SMG6: variants seen among roughly 807,000 people sequenced by gnomAD.
SMG6 encodes SMG6 nonsense mediated mRNA decay factor.
In SMG6, 66 loss-of-function variants were observed where a neutral mutation model predicts 142.2. That is an observed-to-expected ratio of 0.46 (90% confidence interval 0.38 to 0.57). SMG6 has a LOEUF of 0.57. SMG6 is among the 20% of genes least tolerant of loss of function. The pLI is 0.00. For synonymous variants in SMG6, 779 were observed against 702.4 expected (o/e 1.11, Z -1.72); for missense variants, 1,793 against 1,832.0 (o/e 0.98, Z 0.39).
intron 13 of SMG6, among the ~76,000 whole-genome samples, chr17:2,117,096 A>AG (rs1182764682): frequency 6.7e-5 from 9 of 133,646 alleles, no homozygotes; most frequent in African/African-American, 2.5e-4. Context: ...ATGGCTTTTA[A>AG]ATTTTTTTTT....
At chr17:2,092,051 T>A (rs2151451941) in intron 13 of SMG6, among the ~76,000 whole-genome samples, 1 of 151,398 alleles carries the variant, frequency 6.6e-6, no homozygotes, top group Admixed American at 6.6e-5. Flanking sequence ...ACTGGCATGA[T>A]CTCAGCTCAC....
intron 13 of SMG6, among the ~76,000 whole-genome samples, chr17:2,136,520 T>G (rs1002563057): frequency 6.6e-6 from 1 of 152,132 alleles, no homozygotes; most frequent in East Asian, 1.9e-4. Flanking sequence ...CCTTGGAAAG[T>G]CTCCATTTCC....
At chr17:2,108,368 G>C (rs756156870) in intron 13 of SMG6, among the ~76,000 whole-genome samples, 3 of 152,184 alleles carry the variant, frequency 2.0e-5, no homozygotes, top group Non-Finnish European at 4.4e-5. Context: ...TGTAATCCCA[G>C]GCCTTTGAAA....
At chr17:2,290,167 C>A (rs2075000081) in intron 6 of SMG6, among the ~76,000 whole-genome samples, 1 of 151,888 alleles carries the variant, frequency 6.6e-6, no homozygotes, top group African/African-American at 2.4e-5. Flanking sequence ...TCCAGAATAG[C>A]CAATACAATA....
intron 13 of SMG6, among the ~76,000 whole-genome samples, chr17:2,114,367 C>T (rs2069432458): frequency 6.6e-6 from 1 of 152,118 alleles, no homozygotes; most frequent in African/African-American, 2.4e-5. Flanking sequence ...TCTATCCTTC[C>T]AGTTTCCCAT....
At chr17:2,180,937 G>T (rs534433907) in intron 12 of SMG6, among the ~76,000 whole-genome samples, 1 of 152,028 alleles carries the variant, frequency 6.6e-6, no homozygotes, top group Admixed American at 6.5e-5. Flanking sequence ...TGCCAAGAAG[G>T]GGCACTAAAC....
At chr17:2,257,796 G>A (rs367598120) in intron 8 of SMG6, among the ~76,000 whole-genome samples, 1 of 151,254 alleles carries the variant, frequency 6.6e-6, no homozygotes, top group East Asian at 2.0e-4. Flanking sequence ...GGCGGATCAC[G>A]AGATCAAGAG....
intron 4 of SMG6, among the ~76,000 whole-genome samples, chr17:2,294,677 A>C (rs2075108418): frequency 6.6e-6 from 1 of 152,180 alleles, no homozygotes; most frequent in Non-Finnish European, 1.5e-5. Flanking sequence ...AGGATTCTTT[A>C]AAACTAGGTT....
intron 13 of SMG6, among the ~76,000 whole-genome samples, chr17:2,097,195 C>T (rs2068879293): frequency 6.6e-6 from 1 of 151,652 alleles, no homozygotes; most frequent in South Asian, 2.1e-4. Flanking sequence ...TCTCTGTCCA[C>T]CCAGGCTGGT....
At chr17:2,298,780 T>C in intron 2 of SMG6, 126 bp downstream of exon 2, 5 of 859,938 alleles carry the variant, frequency 5.8e-6, no homozygotes, top group Non-Finnish European at 7.2e-6. Context: ...GCCCTTCCCT[T>C]ACAACGTGAA....
intron 13 of SMG6, among the ~76,000 whole-genome samples, chr17:2,132,007 G>C (rs1242389678): frequency 6.6e-6 from 1 of 152,098 alleles, no homozygotes; most frequent in African/African-American, 2.4e-5. Flanking sequence ...AGGAGGCGGA[G>C]GTTGTAGTGA....
intron 13 of SMG6, among the ~76,000 whole-genome samples, chr17:2,095,426 C>T (rs956299470): frequency 6.6e-6 from 1 of 152,192 alleles, no homozygotes; most frequent in African/African-American, 2.4e-5. Flanking sequence ...AGAGTGGACT[C>T]TCGGAGACAT....
At chr17:2,135,336 A>C (rs1460597737) in intron 13 of SMG6, among the ~76,000 whole-genome samples, 2 of 152,214 alleles carry the variant, frequency 1.3e-5, no homozygotes, top group Non-Finnish European at 2.9e-5. Context: ...GAACATTAAA[A>C]ATCTATTCTT....
rs2074935620 is a variant in SMG6 at position 2,287,610 on chromosome 17, TG to T, written c.2338-3876del. Among the ~76,000 whole-genome samples, 3 of 152,192 alleles carry T rather than the reference TG, an allele frequency of 2.0e-5. No homozygotes were observed. In the South Asian group the frequency reaches 6.2e-4, roughly 31 times the overall value. ...TTTATTTGAACACCCATGTTCACTG[TG>T]GCATTATTCACAATAGCCAACAGAT... On this transcript the variant is annotated intron_variant, in intron 6 of 18. Transcript: ENST00000263073.
chr17:2,252,084 G>A (rs932453019), intron 8 of SMG6, among the ~76,000 whole-genome samples: 11 of 150,148 alleles, frequency 7.3e-5, no homozygotes, highest in South Asian at 2.1e-4. Context: ...TAGGAAACAA[G>A]AGCGAAACTC....
At chr17:2,214,100 T>G (rs1212275970) in intron 10 of SMG6, 1 of 152,126 alleles carries the variant, frequency 6.6e-6, no homozygotes, top group East Asian at 1.9e-4. Flanking sequence ...GAGATAAGTC[T>G]CAGAACCCAT....
chr17:2,124,103 GGAGA>G (rs1384348036), intron 13 of SMG6, among the ~76,000 whole-genome samples: 1 of 152,156 alleles, frequency 6.6e-6, no homozygotes, highest in African/African-American at 2.4e-5. Flanking sequence ...CAACAACCCA[GGAGA>G]GAGAGAGGAG....
chr17:2,296,349 T>C (rs2075142115), intron 4 of SMG6, among the ~76,000 whole-genome samples: 1 of 152,176 alleles, frequency 6.6e-6, no homozygotes, highest in Admixed American at 6.5e-5. Context: ...CTCCTAGTCA[T>C]GTTTCAAAAC....
chr17:2,113,876 C>A (rs2069417453), intron 13 of SMG6, among the ~76,000 whole-genome samples: 2 of 152,152 alleles, frequency 1.3e-5, no homozygotes, highest in Non-Finnish European at 2.9e-5. Context: ...GCATATAAAC[C>A]CATGAAAGCA....
Sources: allele counts gnomAD v4.1 joint callset (sites outside exome capture counted in the v4.1 genomes callset), GRCh38; gene constraint gnomAD v4.1.1; transcripts MANE v1.5; gene names NCBI Gene and HGNC (gene_info 2026-07-23, HGNC 2026-07-21).